The following TRPM1 variants were observed in gnomAD, a reference collection of about 807,000 sequenced individuals.
TRPM1 encodes the protein transient receptor potential cation channel subfamily M member 1, also known as TRPM1-203 APA Isoform, Intron 10.
In TRPM1, 113 loss-of-function variants were observed where a neutral mutation model predicts 149.4. That is an observed-to-expected ratio of 0.76 (90% CI 0.65 to 0.88). The LOEUF is 0.88. Ranked by LOEUF, TRPM1 falls within the 40% of genes least tolerant of loss-of-function variation. The probability of loss-of-function intolerance (pLI) is 0.00; values close to 1 mark genes in which losing one functional copy is unlikely to be tolerated. For synonymous variants in TRPM1, 741 were observed against 759.5 expected (o/e 0.98, Z 0.40); for missense variants, 1,976 against 2,038.7 (o/e 0.97, Z 0.59).
intron 25 of TRPM1, 53 bp from the exon 26 acceptor site, chr15:31,027,170 T>G: frequency 1.9e-6 from 3 of 1,558,856 alleles, no homozygotes; most frequent in Non-Finnish European, 1.8e-6. Context: ...TATAGTGATT[T>G]CCCAGAGCAG....
At chr15:31,123,124 A>G (rs748256064) in intron 1 of TRPM1, among the ~76,000 whole-genome samples, 2 of 152,154 alleles carry the variant, frequency 1.3e-5, no homozygotes, top group Non-Finnish European at 2.9e-5. Context: ...ATGCTGGGAC[A>G]ACTGAGATCC....
At chr15:31,129,755 A>G (rs1036135151) in intron 1 of TRPM1, among the ~76,000 whole-genome samples, 1 of 152,178 alleles carries the variant, frequency 6.6e-6, no homozygotes, top group Non-Finnish European at 1.5e-5. Flanking sequence ...GGGGCATCTG[A>G]CACCCGTGTG....
chr15:31,102,107 C>T (rs566884171), upstream of TRPM1, among the ~76,000 whole-genome samples: 32 of 152,348 alleles, frequency 2.1e-4, no homozygotes, highest in East Asian at 6.0e-3. Context: ...TGGGAGAAGG[C>T]GGCACATGGC....
intron 8 of TRPM1, 49 bp from the exon 9 acceptor site, chr15:31,062,751 A>G (rs202157355): frequency 7.5e-6 from 12 of 1,596,242 alleles, no homozygotes; most frequent in Non-Finnish European, 7.7e-6. Flanking sequence ...TTAAATCTAT[A>G]TATGAATGAG....
intron 1 of TRPM1, among the ~76,000 whole-genome samples, chr15:31,156,722 G>C (rs912691354): frequency 6.6e-6 from 1 of 152,098 alleles, no homozygotes; most frequent in African/African-American, 2.4e-5. Context: ...GTGCCTGGGC[G>C]CATGTTCTCG....
intron 16 of TRPM1, among the ~76,000 whole-genome samples, chr15:31,042,971 T>C (rs181394676): frequency 1.3e-5 from 2 of 152,372 alleles, no homozygotes; most frequent in African/African-American, 4.8e-5. Context: ...AGATGTTTGT[T>C]CTTTTGCAAA....
chr15:31,115,753 A>G (rs1057130690), intron 1 of TRPM1, among the ~76,000 whole-genome samples: 14 of 151,692 alleles, frequency 9.2e-5, no homozygotes, highest in African/African-American at 2.7e-4. Context: ...CCATCAAGGG[A>G]AACTACATTA....
chr15:31,035,558 C>G lies in TRPM1; in HGVS notation c.2688G>C (p.Glu896Asp). 6.2e-7 allele frequency: 1 copy of G among 1,614,182 alleles called. No individual in the cohort carries two copies. Among genetic ancestry groups the G allele is most frequent in the East Asian group, 2.2e-5 (1 of 44,890 alleles). ...VISYIVSLALEKIREILMSEP... is the reference protein window; with the variant it reads ...VISYIVSLALDKIREILMSEP... ...TTGGAGTAGCCACCTCTCGTATCTT[C>G]TCTAACGCCAGGCTCACGATGTAGG... The change falls in exon 21 of 28, where the codon GAG (glutamate) becomes GAC (aspartate). Residue 896 changes from glutamate (E) to aspartate (D), a missense_variant. Physicochemically the swap from Glu to Asp is conservative, Grantham distance 45 (BLOSUM62 2). This residue lies in a region of TRPM1 where 1,332 missense variants were observed against 1,347.1 expected (regional missense o/e 0.99). Transcript: ENST00000256552.
upstream of TRPM1, among the ~76,000 whole-genome samples, chr15:31,103,305 G>T (rs917815437): frequency 1.3e-5 from 2 of 152,248 alleles, no homozygotes; most frequent in Non-Finnish European, 2.9e-5. Flanking sequence ...TGGGAGCTGA[G>T]ATGTCTCACA....
chr15:31,160,351 G>C (rs2036429038), intron 1 of TRPM1, among the ~76,000 whole-genome samples: 1 of 152,154 alleles, frequency 6.6e-6, no homozygotes, highest in African/African-American at 2.4e-5. Context: ...CTGGTGCCTA[G>C]TCCTGGGAGC....
rs759666498 is a variant in TRPM1, at chr15:31,032,928, C to T, written c.2713G>A (p.Glu905Lys). 4 of 1,614,188 alleles carry T rather than the reference C, an allele frequency of 2.5e-6. No homozygotes were observed. Among genetic ancestry groups the T allele is most frequent in the Non-Finnish European group, 3.4e-6 (4 of 1,180,038 alleles). Residue 905 changes from glutamate to lysine, a missense_variant, in exon 22 of 28, where the codon GAA becomes AAA. Glu to Lys is a moderately conservative substitution (Grantham distance 56). Coordinates refer to ENST00000256552, the MANE Select transcript of TRPM1 (RefSeq NM_001252024.2). Reference sequence around the variant, plus strand: ...ATTTTCTGGCTGAGTTTGCCTGGTTCTGACATGAGGATCTGAAAACAAACC... The same window carrying T: ...ATTTTCTGGCTGAGTTTGCCTGGTTTTGACATGAGGATCTGAAAACAAACC... ...LEKIREILMS[E>K]PGKLSQKIKV...
At chr15:31,043,174 C>T (rs1366272078) in intron 16 of TRPM1, among the ~76,000 whole-genome samples, 1 of 152,046 alleles carries the variant, frequency 6.6e-6, no homozygotes, top group African/African-American at 2.4e-5. Context: ...TCAGGTTGTT[C>T]ACTACTGACC....
intron 1 of TRPM1, among the ~76,000 whole-genome samples, chr15:31,107,746 T>C (rs983780286): frequency 3.9e-5 from 6 of 152,156 alleles, no homozygotes; most frequent in Admixed American, 3.9e-4. Context: ...GTTTTTCATA[T>C]TTGTTCATCT....
intron 1 of TRPM1, among the ~76,000 whole-genome samples, chr15:31,144,907 G>T (rs59071841): frequency 6.6e-6 from 1 of 151,708 alleles, no homozygotes; most frequent in African/African-American, 2.4e-5. Flanking sequence ...GGAGAGATGG[G>T]GTTTCTTCAT....
At chr15:31,067,395 A>G (rs1306683151) in intron 5 of TRPM1, among the ~76,000 whole-genome samples, 1 of 152,196 alleles carries the variant, frequency 6.6e-6, no homozygotes, top group African/African-American at 2.4e-5. Flanking sequence ...ACGGGAAAAC[A>G]AAAACAGAAA....
intron 1 of TRPM1, among the ~76,000 whole-genome samples, chr15:31,088,545 TTGC>T (rs1253729581): frequency 6.6e-6 from 1 of 152,124 alleles, no homozygotes; most frequent in Non-Finnish European, 1.5e-5. Context: ...GCTGTAACAC[TTGC>T]TGCAAAAGTC....
intron 11 of TRPM1, among the ~76,000 whole-genome samples, chr15:31,059,866 G>A (rs1307768814): frequency 6.6e-6 from 1 of 152,090 alleles, no homozygotes; most frequent in Non-Finnish European, 1.5e-5. Flanking sequence ...AGGAGGCTTG[G>A]AGTCCTTTAT....
intron 23 of TRPM1, among the ~76,000 whole-genome samples, chr15:31,029,706 G>A (rs1475727351): frequency 6.6e-6 from 1 of 152,110 alleles, no homozygotes; most frequent in Non-Finnish European, 1.5e-5. Flanking sequence ...TGATGTTACT[G>A]GCAGATGATC....
chr15:31,160,442 G>C (rs576013874), intron 1 of TRPM1, among the ~76,000 whole-genome samples: 1 of 152,112 alleles, frequency 6.6e-6, no homozygotes, highest in Non-Finnish European at 1.5e-5. Context: ...TCCTCTGCCA[G>C]ACCCCATCCC....
Sources: allele counts gnomAD v4.1 joint callset (sites outside exome capture counted in the v4.1 genomes callset), GRCh38; gene constraint gnomAD v4.1.1; regional missense constraint gnomAD v4.1.1; transcripts MANE v1.5; gene names NCBI Gene and HGNC (gene_info 2026-07-23, HGNC 2026-07-21).